Variants in CDH12 observed in about 807,000 individuals in gnomAD.
CDH12 encodes cadherin 12, also known as cadherin-12.
In CDH12, 41 loss-of-function variants were observed where a neutral mutation model predicts 74.1. The ratio of observed to expected loss-of-function variants is 0.55; its 90% CI spans 0.43 to 0.72. The LOEUF (loss-of-function observed/expected upper bound fraction) is 0.72, where lower values mean the gene tolerates loss of function less well. Ranked by LOEUF, CDH12 falls within the 30% of genes least tolerant of loss-of-function variation. CDH12 has a pLI of 0.00. For missense variants in CDH12, 945 were observed against 977.2 expected (o/e 0.97, Z 0.44); for synonymous variants, 399 against 355.0 (o/e 1.12, Z -1.39).
At chr5:22,609,299 G>A (rs1417402429) in intron 1 of CDH12, among the ~76,000 whole-genome samples, 2 of 152,098 alleles carry the variant, frequency 1.3e-5, no homozygotes, top group African/African-American at 4.8e-5. Flanking sequence ...TGCTTAAGCT[G>A]GGAAAGCACT....
chr5:22,373,600 T>C (rs982275075), intron 3 of CDH12, among the ~76,000 whole-genome samples: 6 of 152,146 alleles, frequency 3.9e-5, no homozygotes, highest in Non-Finnish European at 1.5e-5. Context: ...CATGACATTC[T>C]ATTCCCCAGC....
intron 1 of CDH12, among the ~76,000 whole-genome samples, chr5:22,757,415 G>T (rs767798269): frequency 3.1e-4 from 47 of 151,954 alleles, no homozygotes; most frequent in Non-Finnish European, 4.6e-4. Flanking sequence ...TAGGATTATT[G>T]TTTTCATTAA....
rs543741099 is a variant in CDH12, at chr5:22,613,539, C to T, written c.-522-108175G>A. ...TCTCTTTCAGTACAGTGTAAGTAAG[C>T]CAGTGCTTTAACCTATATATTTGAA... On this transcript the variant is annotated intron_variant, in intron 1 of 14. Coordinates refer to ENST00000382254, the MANE Select transcript of CDH12 (RefSeq NM_004061.5). 2.2e-4 allele frequency among the ~76,000 whole-genome samples: 33 copies of T among 152,162 alleles called. 1 individual carries two copies. In the South Asian group the frequency reaches 6.6e-3, roughly 31 times the overall value.
At chr5:21,801,974 T>C (rs570466837) in intron 10 of CDH12, among the ~76,000 whole-genome samples, 193 bp downstream of exon 10, 141 of 152,252 alleles carry the variant, frequency 9.3e-4, no homozygotes, top group African/African-American at 3.0e-3. Context: ...ACTGCTGCAA[T>C]AGTTGATAAT....
chr5:22,628,381 A>G (rs1332746429), intron 1 of CDH12, among the ~76,000 whole-genome samples: 2 of 152,264 alleles, frequency 1.3e-5, no homozygotes, highest in East Asian at 3.9e-4. Flanking sequence ...CAAAAAAACC[A>G]AAATCATACC....
At chr5:22,494,619 C>T (rs940146740) in intron 2 of CDH12, among the ~76,000 whole-genome samples, 3 of 152,078 alleles carry the variant, frequency 2.0e-5, no homozygotes, top group Non-Finnish European at 2.9e-5. Flanking sequence ...TATCAAGTAG[C>T]GTATGGTAAA....
rs1485117489 is a variant in CDH12 at position 22,610,596 on chromosome 5, A to C, written c.-522-105232T>G. On this transcript the variant is annotated intron_variant, in intron 1 of 14. Coordinates refer to ENST00000382254, the MANE Select transcript of CDH12 (RefSeq NM_004061.5). ...TCAAGTGAAAAGAATAAAGCTTCCTATTTACTGTGGTAAATACTGAATAAA... is the reference window on the plus strand; with the variant it reads ...TCAAGTGAAAAGAATAAAGCTTCCTCTTTACTGTGGTAAATACTGAATAAA... Among the ~76,000 whole-genome samples the C allele has an allele frequency of 2.6e-5, 4 of 151,956 alleles. No homozygotes were observed. The South Asian group carries it at 8.3e-4, about 32-fold the overall frequency.
chr5:22,389,277 A>G (rs2126411962), intron 3 of CDH12, among the ~76,000 whole-genome samples: 1 of 152,300 alleles, frequency 6.6e-6, no homozygotes, highest in South Asian at 2.1e-4. Context: ...GACCTTAACA[A>G]TACCACCTTT....
chr5:22,246,364 G>T (rs906009603), intron 3 of CDH12, among the ~76,000 whole-genome samples: 2 of 151,960 alleles, frequency 1.3e-5, no homozygotes, highest in Admixed American at 1.3e-4. Context: ...AGGTCATCTG[G>T]ATAACATATA....
intron 14 of CDH12, among the ~76,000 whole-genome samples, chr5:21,753,063 T>C (rs147183961): frequency 2.6e-5 from 4 of 152,322 alleles, no homozygotes; most frequent in Admixed American, 6.5e-5. Context: ...TTATTTCTAC[T>C]ATGCATGAAT....
chr5:22,761,806 A>G (rs1746241896), intron 1 of CDH12, among the ~76,000 whole-genome samples: 1 of 152,168 alleles, frequency 6.6e-6, no homozygotes, highest in Non-Finnish European at 1.5e-5. Flanking sequence ...AATAAATCAC[A>G]AAAGAAGAAA....
At chr5:22,407,697 C>T (rs1416014816) in intron 2 of CDH12, among the ~76,000 whole-genome samples, 2 of 152,102 alleles carry the variant, frequency 1.3e-5, no homozygotes, top group Non-Finnish European at 2.9e-5. Context: ...TTGCACACTA[C>T]ACCTAAGCAG....
At chr5:22,367,178 A>C (rs1412792346) in intron 3 of CDH12, among the ~76,000 whole-genome samples, 2 of 152,056 alleles carry the variant, frequency 1.3e-5, no homozygotes, top group African/African-American at 2.4e-5. Flanking sequence ...TTATCCTCTG[A>C]AAGGCATCTC....
intron 5 of CDH12, among the ~76,000 whole-genome samples, chr5:21,978,738 G>C (rs546031297): frequency 1.2e-3 from 181 of 152,254 alleles, no homozygotes; most frequent in African/African-American, 4.2e-3. Context: ...ACTGTGTGGT[G>C]AATGTGCGTG....
At chr5:22,074,790 C>T (rs942018936) in intron 5 of CDH12, among the ~76,000 whole-genome samples, 9 of 152,040 alleles carry the variant, frequency 5.9e-5, no homozygotes, top group Admixed American at 5.2e-4. Flanking sequence ...GAATGGCAAT[C>T]ATTAAAAAGT....
chr5:21,775,669 C>A (rs1223253738), intron 11 of CDH12, among the ~76,000 whole-genome samples: 1 of 151,826 alleles, frequency 6.6e-6, no homozygotes, highest in African/African-American at 2.4e-5. Flanking sequence ...ATTTTAAATC[C>A]TTAACTCATA....
At chr5:22,795,384 G>A (rs181677404) in intron 1 of CDH12, among the ~76,000 whole-genome samples, 55 of 152,100 alleles carry the variant, frequency 3.6e-4, no homozygotes, top group Non-Finnish European at 8.8e-5. Flanking sequence ...TTCAGCTTAA[G>A]CCTCCCATAG....
At chr5:22,159,160 A>G (rs1748189344) in intron 4 of CDH12, among the ~76,000 whole-genome samples, 1 of 152,116 alleles carries the variant, frequency 6.6e-6, no homozygotes, top group Non-Finnish European at 1.5e-5. Flanking sequence ...AAAATCAGCT[A>G]GAAGAGAAAG....
chr5:22,576,544 A>G (rs1248895596), intron 1 of CDH12, among the ~76,000 whole-genome samples: 1 of 152,216 alleles, frequency 6.6e-6, no homozygotes, highest in Non-Finnish European at 1.5e-5. Flanking sequence ...TATGTTCCGT[A>G]GAGTTTTGTG....
Sources: allele counts gnomAD v4.1 joint callset (sites outside exome capture counted in the v4.1 genomes callset), GRCh38; gene constraint gnomAD v4.1.1; transcripts MANE v1.5; gene names NCBI Gene and HGNC (gene_info 2026-07-23, HGNC 2026-07-21).